The following ERC2 variants were observed in gnomAD, a reference collection of about 807,000 sequenced individuals.
The protein encoded by ERC2 is ELKS/RAB6-interacting/CAST family member 2, also known as ERC protein 2.
Under a neutral mutation model 114.8 loss-of-function variants are expected in ERC2, and 42 were observed. That is an observed-to-expected ratio of 0.37 (90% CI 0.29 to 0.47). The LOEUF (loss-of-function observed/expected upper bound fraction) is 0.47, where lower values mean the gene tolerates loss of function less well. Ranked by LOEUF, ERC2 falls within the 20% of genes least tolerant of loss-of-function variation. The pLI, the probability that ERC2 is intolerant of heterozygous loss-of-function variation, is 0.99. For synonymous variants in ERC2, 454 were observed against 425.5 expected (o/e 1.07, Z -0.82); for missense variants, 939 against 1,150.7 (o/e 0.82, Z 2.66).
intron 6 of ERC2, among the ~76,000 whole-genome samples, chr3:56,095,346 C>T (rs2078007481): frequency 6.6e-6 from 1 of 152,036 alleles, no homozygotes. Flanking sequence ...AAAGCCTAGA[C>T]ACCATAAAGT....
At chr3:56,183,369 G>A (rs1455825611) in intron 3 of ERC2, among the ~76,000 whole-genome samples, 1 of 152,212 alleles carries the variant, frequency 6.6e-6, no homozygotes, top group Non-Finnish European at 1.5e-5. Flanking sequence ...CCTTGGGCAA[G>A]TTACTGGATT....
At chr3:56,237,496 T>A (rs2051029812) in intron 3 of ERC2, among the ~76,000 whole-genome samples, 1 of 152,206 alleles carries the variant, frequency 6.6e-6, no homozygotes, top group South Asian at 2.1e-4. Flanking sequence ...TTTGGGGATG[T>A]CAGTCACTGT....
intron 17 of ERC2, among the ~76,000 whole-genome samples, chr3:55,520,797 A>G (rs1377145654): frequency 6.6e-6 from 1 of 152,222 alleles, no homozygotes; most frequent in Non-Finnish European, 1.5e-5. Flanking sequence ...AAAATAAAGT[A>G]AAACACTGTT....
chr3:55,973,485 A>T (rs1434147749), intron 12 of ERC2, among the ~76,000 whole-genome samples: 1 of 152,220 alleles, frequency 6.6e-6, no homozygotes, highest in Admixed American at 6.5e-5. Context: ...CTGCCTTCAG[A>T]ATAAGTTTTT....
chr3:56,343,188 T>TCACACACACACACACA (rs1247948473), intron 2 of ERC2, among the ~76,000 whole-genome samples: 915 of 31,330 alleles, frequency 0.029, 5 homozygotes, highest in Middle Eastern at 0.083. Flanking sequence ...TCTCTCTCTC[T>TCACACACACACACACA]CTCTCACACA....
chr3:55,972,764 C>T (rs1307232720), intron 12 of ERC2, among the ~76,000 whole-genome samples: 1 of 152,002 alleles, frequency 6.6e-6, no homozygotes, highest in Non-Finnish European at 1.5e-5. Flanking sequence ...TATAGCAGAC[C>T]AGGTGGAACT....
At chr3:56,464,220 C>T (rs566715673) in intron 1 of ERC2, among the ~76,000 whole-genome samples, 5 of 152,338 alleles carry the variant, frequency 3.3e-5, no homozygotes, top group Admixed American at 1.3e-4. Context: ...ACAGAGTCTA[C>T]GTTTACAGAC....
chr3:56,434,856 G>A lies in ERC2; in HGVS notation c.152C>T (p.Ser51Phe). ...GKTLSMENIQSLNAAYATSGP... is the reference protein window; with the variant it reads ...GKTLSMENIQFLNAAYATSGP... ...AGACGTAGCATAGGCTGCATTGAGGGACTGGATATTCTCCATAGACAGAGT... is the reference window on the plus strand; with the variant it reads ...AGACGTAGCATAGGCTGCATTGAGGAACTGGATATTCTCCATAGACAGAGT... The change falls in exon 2 of 18, where the codon TCC becomes TTC. Residue 51 changes from serine to phenylalanine, a missense_variant. Physicochemically the swap from Ser to Phe is radical, Grantham distance 155 (BLOSUM62 -2). Transcript: ENST00000288221. 1 of 1,613,796 alleles carries A rather than the reference G, an allele frequency of 6.2e-7. No individual in the cohort carries two copies. Among genetic ancestry groups the A allele is most frequent in the Non-Finnish European group, 8.5e-7 (1 of 1,179,874 alleles).
chr3:56,043,472 A>G (rs965945153), intron 7 of ERC2, among the ~76,000 whole-genome samples: 1 of 152,180 alleles, frequency 6.6e-6, no homozygotes, highest in Non-Finnish European at 1.5e-5. Context: ...TTATTCAAAT[A>G]GTGTCTGACA....
chr3:55,758,825 G>A (rs886119117), intron 14 of ERC2, among the ~76,000 whole-genome samples: 5 of 152,168 alleles, frequency 3.3e-5, no homozygotes, highest in Admixed American at 6.5e-5. Flanking sequence ...GTCAATGAAG[G>A]TGAATGGATC....
intron 3 of ERC2, among the ~76,000 whole-genome samples, chr3:56,193,971 A>G (rs2047945361): frequency 6.6e-6 from 1 of 152,194 alleles, no homozygotes; most frequent in Admixed American, 6.5e-5. Flanking sequence ...ACTGGGACTC[A>G]GGGAGGTTAA....
intron 14 of ERC2, among the ~76,000 whole-genome samples, chr3:55,751,920 A>T (rs1486343276): frequency 6.6e-6 from 1 of 152,234 alleles, no homozygotes; most frequent in Non-Finnish European, 1.5e-5. Context: ...TAGCAAAAAG[A>T]GGAAGTGTTA....
intron 7 of ERC2, among the ~76,000 whole-genome samples, chr3:56,053,213 G>T (rs1358652408): frequency 1.3e-5 from 2 of 152,150 alleles, no homozygotes; most frequent in Admixed American, 1.3e-4. Context: ...TTGTGTGAGT[G>T]GTAAGAGGAG....
At chr3:55,687,612 G>A (rs991501865) in intron 16 of ERC2, among the ~76,000 whole-genome samples, 3 of 152,162 alleles carry the variant, frequency 2.0e-5, no homozygotes, top group Non-Finnish European at 4.4e-5. Flanking sequence ...GGGGTGCAAG[G>A]AGATGATCCT....
At chr3:55,651,548 C>CA (rs2060623484) in intron 17 of ERC2, among the ~76,000 whole-genome samples, 1 of 152,130 alleles carries the variant, frequency 6.6e-6, no homozygotes, top group Non-Finnish European at 1.5e-5. Flanking sequence ...CTGGGTCTTT[C>CA]GCTTCTCTGA....
intron 4 of ERC2, 121 bp downstream of exon 4, chr3:56,173,325 A>G: frequency 4.5e-6 from 4 of 890,610 alleles, no homozygotes; most frequent in Non-Finnish European, 7.1e-6. Context: ...CCAGAAGTAA[A>G]GCATCCAGCA....
chr3:55,899,236 G>A (rs1339119967), intron 13 of ERC2, among the ~76,000 whole-genome samples: 1 of 152,092 alleles, frequency 6.6e-6, no homozygotes, highest in Non-Finnish European at 1.5e-5. Flanking sequence ...TTTAAATTCA[G>A]TATAACTAAT....
chr3:56,104,359 T>C (rs978987801), intron 6 of ERC2, among the ~76,000 whole-genome samples: 54 of 152,222 alleles, frequency 3.5e-4, no homozygotes, highest in African/African-American at 1.3e-3. Context: ...CATCACAGAC[T>C]TTGAACAATT....
intron 17 of ERC2, among the ~76,000 whole-genome samples, chr3:55,585,046 G>C (rs2107582723): frequency 6.6e-6 from 1 of 152,344 alleles, no homozygotes; most frequent in South Asian, 2.1e-4. Context: ...AGAAGCTCAG[G>C]AGGAAGCGAG....
Sources: gnomAD v4.1 joint callset for allele counts (sites outside exome capture counted in the v4.1 genomes callset) on GRCh38, gnomAD v4.1.1 for gene constraint, MANE v1.5 for transcripts, NCBI Gene and HGNC (gene_info 2026-07-23, HGNC 2026-07-21) for gene names.